Variants in RNF216 observed in about 807,000 individuals in gnomAD.
RNF216 encodes the protein E3 ubiquitin-protein ligase RNF216.
A neutral mutation model predicts 110.8 loss-of-function variants in RNF216; 72 were observed. The ratio of observed to expected loss-of-function variants is 0.65; its 90% CI spans 0.54 to 0.79. The LOEUF (loss-of-function observed/expected upper bound fraction) is 0.79. Among genes scored for constraint, RNF216 ranks in the 30% least tolerant of loss-of-function variants. The pLI is 0.00. For synonymous variants in RNF216, 495 were observed against 407.5 expected (o/e 1.21, Z -2.59); for missense variants, 1,342 against 1,141.2 (o/e 1.18, Z -2.54).
At chr7:5,730,648 C>G (rs1794031533) in intron 6 of RNF216, 67 bp downstream of exon 6, 1 of 1,594,774 alleles carries the variant, frequency 6.3e-7, no homozygotes, top group Non-Finnish European at 8.5e-7. Flanking sequence ...GAGATAACAA[C>G]AACAACAACA....
At chr7:5,655,254 T>C (rs1213603758) in intron 13 of RNF216, among the ~76,000 whole-genome samples, 6 of 152,110 alleles carry the variant, frequency 3.9e-5, no homozygotes, top group African/African-American at 7.2e-5. Context: ...GCTTCTTCTG[T>C]AGGTGAACGT....
intron 13 of RNF216, among the ~76,000 whole-genome samples, chr7:5,658,255 CA>C (rs1788872786): frequency 1.3e-5 from 2 of 152,308 alleles, no homozygotes; most frequent in South Asian, 4.1e-4. Flanking sequence ...CCATTAAAGC[CA>C]AGTATCTGAA....
intron 13 of RNF216, among the ~76,000 whole-genome samples, chr7:5,664,788 A>T (rs2128589146): frequency 6.6e-6 from 1 of 152,288 alleles, no homozygotes; most frequent in Middle Eastern, 3.4e-3. Flanking sequence ...AAGGACACAC[A>T]AAATTCTTTT....
In RNF216 at chr7:5,658,654, C is replaced by CAAAA. The variant is rs753036691; in HGVS notation, c.2062-6148_2062-6145dup. ...TCTGGGTGACAGAGAGAGACTGTCT[C>CAAAA]AAAAAAAAAAAAAAAAAAAAATTTT... On this transcript the variant is annotated intron_variant, in intron 13 of 16. Coordinates refer to ENST00000389902, the MANE Select transcript of RNF216 (RefSeq NM_207111.4). 5.0e-3 allele frequency among the ~76,000 whole-genome samples: 373 copies of CAAAA among 74,888 alleles called. 2 individuals are homozygous for CAAAA. Among genetic ancestry groups the CAAAA allele is most frequent in the African/African-American group, 0.014 (338 of 24,568 alleles). The allele number at this position is 74,888 out of a possible 152,430, so 49.1% of individuals were successfully genotyped here.
rs1470164088 is a variant in RNF216 at position 5,624,310 on chromosome 7, G to A, written c.2383-185C>T. Among the ~76,000 whole-genome samples, 2 of 152,236 alleles carry A rather than the reference G, an allele frequency of 1.3e-5. No individual in the cohort carries two copies. The highest frequency in any genetic ancestry group is 2.9e-5 in the Non-Finnish European group (2 of 68,048). ...CCCCGAAGGCCTCCTTCCTTCATCAGCCTGATGGCGTTCCACAAGGAGGCC... is the reference window on the plus strand; with the variant it reads ...CCCCGAAGGCCTCCTTCCTTCATCAACCTGATGGCGTTCCACAAGGAGGCC... On this transcript the variant is annotated intron_variant, in intron 15 of 16. Coordinates refer to ENST00000389902, the MANE Select transcript of RNF216 (RefSeq NM_207111.4). This position sits in a 1 kb window ranked among gnomAD's most constrained non-coding sequence, Gnocchi z 4.4.
At chr7:5,697,041 T>C (rs1791674020) in intron 13 of RNF216, among the ~76,000 whole-genome samples, 4 of 151,788 alleles carry the variant, frequency 2.6e-5, no homozygotes, top group Admixed American at 2.6e-4. Context: ...ACCCTCCTTG[T>C]TTTGTTCTGC....
At chr7:5,658,534 T>C (rs964168916) in intron 13 of RNF216, among the ~76,000 whole-genome samples, 15 of 148,244 alleles carry the variant, frequency 1.0e-4, no homozygotes, top group Non-Finnish European at 1.9e-4. Flanking sequence ...GGTATGTGCC[T>C]GTAGTCTCAG....
At chr7:5,780,469 G>C (rs1157949296) in intron 1 of RNF216, among the ~76,000 whole-genome samples, 1 of 152,168 alleles carries the variant, frequency 6.6e-6, no homozygotes, top group African/African-American at 2.4e-5. Flanking sequence ...GGCCGAGGCG[G>C]AGGGATCACC....
At chr7:5,639,100 T>C (rs1027847437) in intron 15 of RNF216, among the ~76,000 whole-genome samples, 82 of 152,206 alleles carry the variant, frequency 5.4e-4, no homozygotes, top group Non-Finnish European at 1.8e-4. Flanking sequence ...TGAGGAAGAA[T>C]GTCATTAAGT....
At chr7:5,710,228 C>T (rs1029297560) in intron 13 of RNF216, among the ~76,000 whole-genome samples, 17 of 152,086 alleles carry the variant, frequency 1.1e-4, no homozygotes, top group Admixed American at 7.2e-4. Flanking sequence ...GGCGTGGTGG[C>T]GCATACCTGT....
At chr7:5,738,351 A>C (rs1039081369) in intron 5 of RNF216, among the ~76,000 whole-genome samples, 3 of 152,032 alleles carry the variant, frequency 2.0e-5, no homozygotes, top group African/African-American at 7.2e-5. Flanking sequence ...TCAGCCTCCC[A>C]AAGTGCCAGA....
chr7:5,630,197 T>C (rs1786984226), intron 15 of RNF216, among the ~76,000 whole-genome samples: 1 of 152,116 alleles, frequency 6.6e-6, no homozygotes, highest in South Asian at 2.1e-4. Flanking sequence ...GCTGCCTGGA[T>C]GGCAGGGTGA....
intron 13 of RNF216, among the ~76,000 whole-genome samples, chr7:5,709,508 C>A (rs1255174909): frequency 1.3e-5 from 2 of 152,240 alleles, no homozygotes; most frequent in African/African-American, 4.8e-5. Flanking sequence ...CACTACCCCA[C>A]ACCACATGCC....
Position 5,707,719 on chromosome 7 carries a change from T to TG in RNF216, c.2061+4041_2061+4042insC, listed in dbSNP as rs201103418. ...AAAGCTTTTCAGTGTGTGTGTGTGG[T>TG]TTTTTTTTTTTTTTTTTTTTTTGTG... On this transcript the variant is annotated intron_variant, in intron 13 of 16. Coordinates refer to ENST00000389902, the MANE Select transcript of RNF216 (RefSeq NM_207111.4). Among the ~76,000 whole-genome samples the TG allele has an allele frequency of 1.4e-3, 57 of 41,658 alleles. 1 individual carries two copies. The highest frequency in any genetic ancestry group is 9.6e-3 in the Middle Eastern group (1 of 104). 27.3% of individuals were successfully genotyped at this position (41,658 alleles called of 152,430 possible).
intron 13 of RNF216, among the ~76,000 whole-genome samples, chr7:5,683,829 A>G (rs1046489066): frequency 4.6e-5 from 7 of 152,214 alleles, no homozygotes; most frequent in Admixed American, 4.6e-4. Context: ...AGATAAGCCC[A>G]GCAGAATTTA....
At chr7:5,728,443 G>A (rs1488588622) in intron 7 of RNF216, among the ~76,000 whole-genome samples, 1 of 151,940 alleles carries the variant, frequency 6.6e-6, no homozygotes, top group Non-Finnish European at 1.5e-5. Context: ...GCGCGGTGGT[G>A]AGCACCTACA....
intron 15 of RNF216, among the ~76,000 whole-genome samples, chr7:5,633,633 G>A (rs1787215368): frequency 6.6e-6 from 1 of 152,162 alleles, no homozygotes; most frequent in South Asian, 2.1e-4. Context: ...CATTTTAACA[G>A]GGAGGGAGAT....
intron 5 of RNF216, among the ~76,000 whole-genome samples, chr7:5,737,636 G>C (rs1471436959): frequency 6.6e-6 from 1 of 152,068 alleles, no homozygotes; most frequent in Non-Finnish European, 1.5e-5. Flanking sequence ...CAGTGTCATT[G>C]TACAAATTAG....
At chr7:5,640,300 A>T (rs1381797736) in intron 15 of RNF216, among the ~76,000 whole-genome samples, 1 of 151,552 alleles carries the variant, frequency 6.6e-6, no homozygotes, top group Non-Finnish European at 1.5e-5. Flanking sequence ...TGCAAGAAAA[A>T]CCTTATCTTC....
Sources: gnomAD v4.1 joint callset for allele counts (sites outside exome capture counted in the v4.1 genomes callset) on GRCh38, gnomAD v4.1.1 for gene constraint, Gnocchi (gnomAD v3.1) non-coding constraint, MANE v1.5 for transcripts, NCBI Gene and HGNC (gene_info 2026-07-23, HGNC 2026-07-21) for gene names.